Variants in ATP5PD observed in about 807,000 individuals in gnomAD.
The protein encoded by ATP5PD is ATP synthase peripheral stalk subunit d, mitochondrial.
Under a neutral mutation model 22.6 loss-of-function variants are expected in ATP5PD, and 13 were observed. The observed-to-expected ratio is 0.58, with a 90% CI of 0.37 to 0.91. The LOEUF (loss-of-function observed/expected upper bound fraction) is 0.91, where lower values mean the gene tolerates loss of function less well. ATP5PD is among the 40% of genes least tolerant of loss of function. The pLI, the probability that ATP5PD is intolerant of heterozygous loss-of-function variation, is 0.00. For missense variants in ATP5PD, 165 were observed against 188.0 expected, an observed-to-expected ratio of 0.88 and a Z score of 0.72; for synonymous variants, 51 against 65.0, an observed-to-expected ratio of 0.79 and a Z score of 1.03.
chr17:75,039,333 A>G, intron 4 of ATP5PD, 62 bp from the exon 5 acceptor site: 1 of 1,477,590 alleles, frequency 6.8e-7, no homozygotes, highest in Non-Finnish European at 9.4e-7. Context: ...AGCAGCTGCT[A>G]AGGTAGGAGT....
At chr17:75,044,589 A>C (rs7217434) in intron 1 of ATP5PD, among the ~76,000 whole-genome samples, 1 of 150,980 alleles carries the variant, frequency 6.6e-6, no homozygotes, top group African/African-American at 2.4e-5. Flanking sequence ...TGATCCACCC[A>C]CCTCAGCCTT....
At chr17:75,042,684 A>G (rs1381553041) in intron 1 of ATP5PD, 25 bp from the exon 2 acceptor site, 1 of 1,586,756 alleles carries the variant, frequency 6.3e-7, no homozygotes. Context: ...AAATAAAAAC[A>G]AGGCTTTTTT....
chr17:75,042,424 ATATG>A, intron 2 of ATP5PD, 101 bp downstream of exon 2: 1 of 1,523,614 alleles, frequency 6.6e-7, no homozygotes. Flanking sequence ...GGATTTCTTT[ATATG>A]TTGTCATAAG....
At chr17:75,044,775 A>T (rs2073196287) in intron 1 of ATP5PD, among the ~76,000 whole-genome samples, 1 of 152,254 alleles carries the variant, frequency 6.6e-6, no homozygotes, top group African/African-American at 2.4e-5. Flanking sequence ...ATATTAAAAG[A>T]CTGCAAAGTC....
chr17:75,043,611 C>CA (rs533075854), intron 1 of ATP5PD, among the ~76,000 whole-genome samples: 10,276 of 80,156 alleles, frequency 0.13, 724 homozygotes, highest in African/African-American at 0.26. Context: ...GACTCTGTCT[C>CA]AAAAAAAAAA....
At chr17:75,045,403 T>C (rs1477521139) in intron 1 of ATP5PD, among the ~76,000 whole-genome samples, 1 of 152,178 alleles carries the variant, frequency 6.6e-6, no homozygotes, top group Non-Finnish European at 1.5e-5. Context: ...CAAAATTTAT[T>C]AGGTGGGAAT....
intron 2 of ATP5PD, 77 bp downstream of exon 2, chr17:75,042,452 C>T: frequency 3.2e-6 from 5 of 1,564,900 alleles, no homozygotes; most frequent in Non-Finnish European, 3.5e-6. Flanking sequence ...ATCAAGAATT[C>T]ATATGTAATT....
chr17:75,044,573 C>T (rs578217661), intron 1 of ATP5PD, among the ~76,000 whole-genome samples: 12 of 150,450 alleles, frequency 8.0e-5, no homozygotes, highest in African/African-American at 2.4e-5. Context: ...AACTCCAGAC[C>T]TCAGGTGATC....
At chr17:75,042,386 C>T (rs2073170261) in intron 2 of ATP5PD, 109 bp from the exon 3 acceptor site, 1 of 1,504,530 alleles carries the variant, frequency 6.6e-7, no homozygotes, top group Non-Finnish European at 9.1e-7. Context: ...CCACACTTTC[C>T]TCTCCTAAGA....
rs779870587 is a variant in ATP5PD at position 75,042,671 on chromosome 17, G to A, written c.-9-12C>T. On this transcript the variant is annotated splice_polypyrimidine_tract_variant and intron_variant, in intron 1 of 5. Coordinates refer to ENST00000301587, the MANE Select transcript of ATP5PD (RefSeq NM_006356.3). ...GCCATTTTGGGATCCTGAAAAATAA[G>A]TCAAATAAAAACAAGGCTTTTTTAT... 6.3e-7 allele frequency: 1 copy of A among 1,586,466 alleles called. No homozygotes were observed. The highest frequency in any genetic ancestry group is 2.2e-5 in the East Asian group (1 of 44,712).
chr17:75,041,891 A>G, intron 3 of ATP5PD: 1 of 265,020 alleles, frequency 3.8e-6, no homozygotes, highest in Non-Finnish European at 7.1e-6. Context: ...CAGGTTGCCT[A>G]AGAAGGGGTG....
At chr17:75,045,886 G>GAAA (rs904766987) in intron 1 of ATP5PD, among the ~76,000 whole-genome samples, 2 of 152,224 alleles carry the variant, frequency 1.3e-5, no homozygotes, top group Non-Finnish European at 2.9e-5. Context: ...AAGTGTCCAT[G>GAAA]AAATCTCTAC....
At chr17:75,043,611 CAAAAA>C (rs533075854) in intron 1 of ATP5PD, among the ~76,000 whole-genome samples, 1 of 80,696 alleles carries the variant, frequency 1.2e-5, no homozygotes, top group Admixed American at 1.5e-4. Context: ...GACTCTGTCT[CAAAAA>C]AAAAAAAAAA....
Position 75,040,207 on chromosome 17 carries a change from A to G in ATP5PD, c.220-44T>C, listed in dbSNP as rs776874628. 4 of 1,611,058 alleles carry G rather than the reference A, an allele frequency of 2.5e-6. No homozygotes were observed. The Admixed American group carries it at 5.0e-5, about 20-fold the overall frequency. ...GGGAACCTTCAGCGCATTAAACTAC[A>G]AACACAAGGACAGTGAGTCGTCGCC... On this transcript the variant is annotated intron_variant, in intron 3 of 5. Coordinates refer to ENST00000301587, the MANE Select transcript of ATP5PD (RefSeq NM_006356.3).
chr17:75,042,022 A>G (rs2073166407), intron 3 of ATP5PD, 159 bp downstream of exon 3: 2 of 610,536 alleles, frequency 3.3e-6, no homozygotes, highest in East Asian at 5.8e-5. Context: ...TCCTGCACCT[A>G]TTTACAGTTC....
At chr17:75,039,171 A>G (rs773934350) in intron 5 of ATP5PD, 38 bp downstream of exon 5, 1 of 1,613,180 alleles carries the variant, frequency 6.2e-7, no homozygotes, top group Admixed American at 1.7e-5. Context: ...TGAAAGAGAG[A>G]ACCCATATTA....
At chr17:75,046,628 A>G (rs369432437) in intron 1 of ATP5PD, among the ~76,000 whole-genome samples, 4 of 152,298 alleles carry the variant, frequency 2.6e-5, no homozygotes, top group African/African-American at 9.6e-5. Flanking sequence ...TCCCCCCACC[A>G]AACTATTGAA....
chr17:75,039,793 C>A, intron 4 of ATP5PD: 1 of 402,058 alleles, frequency 2.5e-6, no homozygotes, highest in Non-Finnish European at 4.5e-6. Context: ...ATATAGGTAT[C>A]CACCTGTGAA....
At chr17:75,040,690 A>C (rs2073150308) in intron 3 of ATP5PD, 1 of 153,816 alleles carries the variant, frequency 6.5e-6, no homozygotes, top group African/African-American at 2.4e-5. Flanking sequence ...GTTCGAGACC[A>C]GCCTGACCAA....
Sources: allele counts gnomAD v4.1 joint callset (sites outside exome capture counted in the v4.1 genomes callset), GRCh38; gene constraint gnomAD v4.1.1; transcripts MANE v1.5; gene names NCBI Gene and HGNC (gene_info 2026-07-23, HGNC 2026-07-21).